RIMBP2: variants seen among roughly 807,000 people sequenced by gnomAD.
RIMBP2 encodes the protein RIMS-binding protein 2.
In RIMBP2, 48 loss-of-function variants were observed where a neutral mutation model predicts 118.6. That is an observed-to-expected ratio of 0.40 (90% CI 0.32 to 0.51). The LOEUF is 0.51. Among genes scored for constraint, RIMBP2 ranks in the 20% least tolerant of loss-of-function variants. The probability of loss-of-function intolerance (pLI) is 0.41; values close to 1 mark genes in which losing one functional copy is unlikely to be tolerated. For missense variants in RIMBP2, 1,551 were observed against 1,768.3 expected (o/e 0.88, Z 2.20); for synonymous variants, 762 against 742.9 (o/e 1.03, Z -0.42).
At chr12:130,571,142 A>G (rs2057607655) in intron 2 of RIMBP2, among the ~76,000 whole-genome samples, 1 of 147,858 alleles carries the variant, frequency 6.8e-6, no homozygotes, top group African/African-American at 2.5e-5. Context: ...AGGAGGAGGA[A>G]AGAGAGATAT....
chr12:130,534,114 A>C (rs1236213026), intron 2 of RIMBP2, among the ~76,000 whole-genome samples: 1 of 150,796 alleles, frequency 6.6e-6, no homozygotes, highest in East Asian at 1.9e-4. Flanking sequence ...TGCAGTGAGC[A>C]GAGATCACAC....
intron 5 of RIMBP2, 33 bp downstream of exon 5, chr12:130,478,879 C>T: frequency 6.4e-7 from 1 of 1,555,470 alleles, no homozygotes; most frequent in Admixed American, 1.7e-5. Flanking sequence ...GACTCCCTGC[C>T]TCGCACGCCG....
intron 7 of RIMBP2, among the ~76,000 whole-genome samples, chr12:130,454,537 C>T (rs2079257662): frequency 6.6e-6 from 1 of 152,180 alleles, no homozygotes; most frequent in Non-Finnish European, 1.5e-5. Flanking sequence ...ATGGGCCATG[C>T]CAGGCGACCC....
At chr12:130,413,207 C>T (rs11060870) in intron 18 of RIMBP2, among the ~76,000 whole-genome samples, 33,160 of 152,088 alleles carry the variant, frequency 0.22, 4,268 homozygotes, top group East Asian at 0.41. Context: ...GCAGGCATTC[C>T]GACCGTTCTC....
chr12:130,681,807 G>A (rs1408469360), intron 1 of RIMBP2, among the ~76,000 whole-genome samples: 1 of 152,108 alleles, frequency 6.6e-6, no homozygotes, highest in Non-Finnish European at 1.5e-5. Context: ...TGATTCTCCT[G>A]CCGCAGCCTC....
intron 2 of RIMBP2, among the ~76,000 whole-genome samples, chr12:130,536,507 G>A (rs943898106): frequency 1.3e-5 from 2 of 152,078 alleles, no homozygotes; most frequent in Non-Finnish European, 2.9e-5. Context: ...TACCCCAACT[G>A]CACGATAGTA....
chr12:130,712,807 C>G (rs929358894), intron 1 of RIMBP2, among the ~76,000 whole-genome samples: 1 of 152,140 alleles, frequency 6.6e-6, no homozygotes, highest in Non-Finnish European at 1.5e-5. Context: ...TCACTAAACA[C>G]GTGAGACTAA....
intron 2 of RIMBP2, among the ~76,000 whole-genome samples, chr12:130,557,618 G>A (rs1209744357): frequency 6.6e-6 from 1 of 152,206 alleles, no homozygotes; most frequent in Non-Finnish European, 1.5e-5. Flanking sequence ...TCTTGACCCA[G>A]AGAAACCACA....
chr12:130,482,899 G>T, intron 4 of RIMBP2, among the ~76,000 whole-genome samples: 1 of 115,468 alleles, frequency 8.7e-6, no homozygotes, highest in Non-Finnish European at 1.8e-5. Context: ...TTCTGCAGGG[G>T]AGGGGGCACA....
chr12:130,687,353 G>C (rs2065100850), intron 1 of RIMBP2, among the ~76,000 whole-genome samples: 2 of 152,204 alleles, frequency 1.3e-5, no homozygotes, highest in African/African-American at 4.8e-5. Context: ...CTATTTCAGA[G>C]ATGCCTCGCG....
chr12:130,680,803 G>T (rs2064747302), intron 1 of RIMBP2, among the ~76,000 whole-genome samples: 1 of 152,252 alleles, frequency 6.6e-6, no homozygotes, highest in Admixed American at 6.5e-5. Context: ...CGCGACTGAG[G>T]CTGAGAGGCC....
chr12:130,618,944 T>C (rs2061131016), intron 2 of RIMBP2, among the ~76,000 whole-genome samples: 1 of 152,140 alleles, frequency 6.6e-6, no homozygotes, highest in Admixed American at 6.5e-5. Context: ...CTGTCCAGAC[T>C]TTCATCACAA....
At chr12:130,570,179 T>C (rs1225612597) in intron 2 of RIMBP2, among the ~76,000 whole-genome samples, 2 of 152,130 alleles carry the variant, frequency 1.3e-5, no homozygotes, top group Non-Finnish European at 2.9e-5. Context: ...ATCCTAGCAC[T>C]TTAGGATGCC....
intron 1 of RIMBP2, among the ~76,000 whole-genome samples, chr12:130,661,516 C>T (rs2136347763): frequency 6.6e-6 from 1 of 152,288 alleles, no homozygotes; most frequent in South Asian, 2.1e-4. Context: ...GTCATATGAC[C>T]CCTTTGCACA....
chr12:130,423,147 A>G (rs2076521300), intron 16 of RIMBP2, among the ~76,000 whole-genome samples: 1 of 152,174 alleles, frequency 6.6e-6, no homozygotes, highest in Admixed American at 6.5e-5. Flanking sequence ...CTCTAAATTC[A>G]CCTTTAGATC....
chr12:130,424,670 G>C lies in RIMBP2; in HGVS notation c.2601C>G (p.Pro867=). ...PRARTGLARE[P]RPGRPYRGDE... ...CGCCCCTGTAGGGCCTGCCGGGCCTGGGCTCTCTGGCCAGCCCCGTCCTGG... is the reference window on the plus strand; with the variant it reads ...CGCCCCTGTAGGGCCTGCCGGGCCTCGGCTCTCTGGCCAGCCCCGTCCTGG... Residue 867 remains proline, a synonymous_variant, in exon 16 of 23, where the codon CCC becomes CCG. Transcript: ENST00000690449. This position sits in a 1 kb window ranked among gnomAD's most constrained non-coding sequence, Gnocchi z 9.8. 1 of 1,231,882 alleles carries C rather than the reference G, an allele frequency of 8.1e-7. No homozygotes were observed. Among genetic ancestry groups the C allele is most frequent in the Non-Finnish European group, 1.0e-6 (1 of 987,880 alleles). The allele number at this position is 1,231,882 out of a possible 1,614,324, so 76.3% of individuals were successfully genotyped here.
intron 14 of RIMBP2, among the ~76,000 whole-genome samples, chr12:130,433,466 G>C (rs1396277187): frequency 6.6e-6 from 1 of 152,208 alleles, no homozygotes; most frequent in East Asian, 1.9e-4. Flanking sequence ...CCTCTTCAGA[G>C]AGAGCACCCT....
chr12:130,489,002 C>T lies in RIMBP2; in HGVS notation c.-3-9986G>A, dbSNP rs942606719. Among the ~76,000 whole-genome samples the T allele has an allele frequency of 2.6e-5, 4 of 152,188 alleles. No homozygotes were observed. In the East Asian group the frequency reaches 7.7e-4, roughly 29 times the overall value. On this transcript the variant is annotated intron_variant, in intron 4 of 22. Transcript: ENST00000690449. ...CTGGAAAGTTCCAGAGAGCTGACTC[C>T]TACAGAATTCACGGCTAGCATGGGG... is the stretch of plus-strand genomic sequence containing the variant.
At chr12:130,437,759 G>A (rs959459945) in intron 12 of RIMBP2, among the ~76,000 whole-genome samples, 1 of 152,208 alleles carries the variant, frequency 6.6e-6, no homozygotes, top group Non-Finnish European at 1.5e-5. Context: ...ACAGGAGTCT[G>A]CAGGAAGCGG....
Sources: gnomAD v4.1 joint callset for allele counts (sites outside exome capture counted in the v4.1 genomes callset) on GRCh38, gnomAD v4.1.1 for gene constraint, Gnocchi (gnomAD v3.1) non-coding constraint, MANE v1.5 for transcripts, NCBI Gene and HGNC (gene_info 2026-07-23, HGNC 2026-07-21) for gene names.